The following GRIN2B variants were observed in gnomAD, a reference collection of about 807,000 sequenced individuals.
GRIN2B encodes glutamate ionotropic receptor NMDA type subunit 2B.
Under a neutral mutation model 114.5 loss-of-function variants are expected in GRIN2B, and 5 were observed. The observed-to-expected ratio is 0.04, with a 90% CI of 0.02 to 0.09. The LOEUF (loss-of-function observed/expected upper bound fraction) is 0.09, where lower values mean the gene tolerates loss of function less well. Among genes scored for constraint, GRIN2B ranks in the 10% least tolerant of loss-of-function variants. GRIN2B has a pLI of 1.00. For missense variants in GRIN2B, 1,108 were observed against 1,943.5 expected (o/e 0.57, Z 8.08); for synonymous variants, 787 against 745.1 (o/e 1.06, Z -0.92).
intron 5 of GRIN2B, among the ~76,000 whole-genome samples, chr12:13,627,475 CCTGAGTAAATG>C (rs1949579447): frequency 6.6e-6 from 1 of 152,116 alleles, no homozygotes; most frequent in Non-Finnish European, 1.5e-5. Flanking sequence ...CATGGTGAGC[CCTGAGTAAATG>C]ACAGTGGTTG....
At chr12:13,826,914 T>A (rs1027768721) in intron 3 of GRIN2B, among the ~76,000 whole-genome samples, 11 of 147,990 alleles carry the variant, frequency 7.4e-5, no homozygotes, top group Admixed American at 7.4e-4. Context: ...TTACCTCAGC[T>A]TTTTTTTTCC....
intron 10 of GRIN2B, among the ~76,000 whole-genome samples, chr12:13,601,576 G>T (rs1211206064): frequency 2.0e-5 from 3 of 151,770 alleles, no homozygotes; most frequent in African/African-American, 4.8e-5. Flanking sequence ...TTAGGATGTG[G>T]CTATATCTTT....
chr12:13,621,047 G>A (rs1949507395), intron 5 of GRIN2B, among the ~76,000 whole-genome samples: 1 of 152,010 alleles, frequency 6.6e-6, no homozygotes, highest in Non-Finnish European at 1.5e-5. Context: ...TCTTTATGGA[G>A]CAAAGGCAGG....
At position 13,722,068 on chromosome 12, in the gene GRIN2B, T is replaced by C. The variant is rs148330470; in HGVS notation, c.1010+31249A>G. On this transcript the variant is annotated intron_variant, in intron 4 of 13. Coordinates refer to ENST00000609686, the MANE Select transcript of GRIN2B (RefSeq NM_000834.5). ...GGTAACATAGTGACCACTGGTGACT[T>C]TGGCAAGAGCCACAAGAACCATTCC... Among the ~76,000 whole-genome samples, 937 of 152,248 alleles carry C rather than the reference T, an allele frequency of 6.2e-3. 7 individuals are homozygous for C. Among genetic ancestry groups the C allele is most frequent in the African/African-American group, 0.022 (910 of 41,552 alleles).
intron 10 of GRIN2B, among the ~76,000 whole-genome samples, chr12:13,582,556 G>A (rs1244714463): frequency 2.6e-5 from 4 of 152,184 alleles, no homozygotes; most frequent in Non-Finnish European, 5.9e-5. Context: ...ACACCCTTAA[G>A]TTTACATATG....
rs911902889 is a variant in GRIN2B, at chr12:13,561,048, T to A, written c.*1735A>T. On this transcript the variant is annotated 3_prime_UTR_variant, in exon 14 of 14. Transcript: ENST00000609686. ...TGTGTAGGGGAGGATGGCAGGACAG[T>A]GGAACTGACCCATAGAATAAATAGC... 1 of 152,080 alleles carries A rather than the reference T, an allele frequency of 6.6e-6. No homozygotes were observed. Among genetic ancestry groups the A allele is most frequent in the Non-Finnish European group, 1.5e-5 (1 of 68,004 alleles). 9.4% of individuals were successfully genotyped at this position (152,080 alleles called of 1,614,324 possible).
chr12:13,923,226 C>A (rs1356395576), intron 2 of GRIN2B, among the ~76,000 whole-genome samples: 1 of 152,092 alleles, frequency 6.6e-6, no homozygotes, highest in Admixed American at 6.5e-5. Flanking sequence ...AAATATTTTT[C>A]AGACATTAGT....
intron 3 of GRIN2B, among the ~76,000 whole-genome samples, chr12:13,794,038 C>CAAAAAAAAAA (rs59335663): frequency 1.1e-4 from 9 of 79,204 alleles, no homozygotes; most frequent in Admixed American, 1.7e-4. Context: ...CCCATCTCTA[C>CAAAAAAAAAA]AAAAAAAAAA....
Position 13,561,032 on chromosome 12 carries a change from G to A in GRIN2B, c.*1751C>T, listed in dbSNP as rs1948536130. The A allele has an allele frequency of 6.6e-6, 1 of 151,976 alleles. No homozygotes were observed. The highest frequency in any genetic ancestry group is 2.4e-5 in the African/African-American group (1 of 41,360). 9.4% of individuals were successfully genotyped at this position (151,976 alleles called of 1,614,324 possible). A position where few individuals can be genotyped will look rare whatever the true frequency, so the allele number is the denominator to read the frequency against. ...TCTCTGGATGCCACCCTGTGTAGGG[G>A]AGGATGGCAGGACAGTGGAACTGAC... On this transcript the variant is annotated 3_prime_UTR_variant, in exon 14 of 14. Transcript: ENST00000609686.
chr12:13,674,413 CCTAT>C (rs1208467539), intron 5 of GRIN2B, among the ~76,000 whole-genome samples: 1 of 151,846 alleles, frequency 6.6e-6, no homozygotes, highest in Non-Finnish European at 1.5e-5. Context: ...ATAATTGTGC[CCTAT>C]CTGACAAGAG....
chr12:13,883,825 C>G (rs943714115), intron 2 of GRIN2B, among the ~76,000 whole-genome samples: 4 of 152,018 alleles, frequency 2.6e-5, no homozygotes, highest in African/African-American at 9.7e-5. Context: ...TTTTATAGCT[C>G]ATACATTTTG....
chr12:13,846,507 A>G (rs1865475733), intron 3 of GRIN2B, among the ~76,000 whole-genome samples: 3 of 152,204 alleles, frequency 2.0e-5, no homozygotes, highest in Admixed American at 1.3e-4. Context: ...CTCTACCTCA[A>G]ATCCACCCAA....
At chr12:13,667,127 A>G (rs1257623522) in intron 5 of GRIN2B, among the ~76,000 whole-genome samples, 1 of 152,124 alleles carries the variant, frequency 6.6e-6, no homozygotes, top group Non-Finnish European at 1.5e-5. Context: ...TGAATTTTAC[A>G]AGCCCTCAAC....
chr12:13,866,607 CCAGA>C (rs761269167), intron 2 of GRIN2B, among the ~76,000 whole-genome samples: 5 of 152,114 alleles, frequency 3.3e-5, no homozygotes, highest in East Asian at 1.9e-4. Flanking sequence ...GAAAGCAAGG[CCAGA>C]CAAAGTGAGC....
At chr12:13,745,030 C>T (rs1236167354) in intron 4 of GRIN2B, among the ~76,000 whole-genome samples, 1 of 152,162 alleles carries the variant, frequency 6.6e-6, no homozygotes, top group Non-Finnish European at 1.5e-5. Context: ...ACCACCTATG[C>T]ATCCCTGACA....
At chr12:13,609,438 A>T (rs1469060984) in intron 9 of GRIN2B, among the ~76,000 whole-genome samples, 3 of 152,106 alleles carry the variant, frequency 2.0e-5, no homozygotes, top group Non-Finnish European at 4.4e-5. Context: ...TCCGATGCCA[A>T]CACTTCCCAA....
At chr12:13,749,832 G>A (rs1863451432) in intron 4 of GRIN2B, among the ~76,000 whole-genome samples, 1 of 152,162 alleles carries the variant, frequency 6.6e-6, no homozygotes, top group Non-Finnish European at 1.5e-5. Flanking sequence ...ATCCTTTCTG[G>A]ATCCTGATAG....
chr12:13,671,838 T>C (rs1484405824), intron 5 of GRIN2B, among the ~76,000 whole-genome samples: 3 of 152,092 alleles, frequency 2.0e-5, no homozygotes, highest in Admixed American at 6.5e-5. Context: ...ATTACAGAGG[T>C]GAGCAAGGTC....
chr12:13,664,321 G>T (rs987982210), intron 5 of GRIN2B, among the ~76,000 whole-genome samples: 2 of 152,202 alleles, frequency 1.3e-5, no homozygotes, highest in Middle Eastern at 3.4e-3. Context: ...GGGCTGGGGT[G>T]GGGGAGAAGA....
Sources: allele counts gnomAD v4.1 joint callset (sites outside exome capture counted in the v4.1 genomes callset), GRCh38; gene constraint gnomAD v4.1.1; transcripts MANE v1.5; gene names NCBI Gene and HGNC (gene_info 2026-07-23, HGNC 2026-07-21).